Variants in SGCZ observed in about 807,000 individuals in gnomAD.
The protein encoded by SGCZ is sarcoglycan zeta, also known as zeta-sarcoglycan.
In SGCZ, 40 loss-of-function variants were observed where a neutral mutation model predicts 41.3. The ratio of observed to expected loss-of-function variants is 0.97; its 90% confidence interval spans 0.75 to 1.26. The LOEUF is 1.26. SGCZ is among the 50% of genes most tolerant of loss of function. SGCZ has a pLI of 0.00. For missense variants in SGCZ, 552 were observed against 369.8 expected (o/e 1.49, Z -4.04); for synonymous variants, 206 against 137.5 (o/e 1.50, Z -3.49).
At chr8:14,457,592 T>C (rs1800785490) in intron 2 of SGCZ, among the ~76,000 whole-genome samples, 1 of 152,242 alleles carries the variant, frequency 6.6e-6, no homozygotes, top group African/African-American at 2.4e-5. Context: ...TCCGCCTTCA[T>C]GTTCCATCCT....
chr8:14,300,197 T>C (rs1433606387), intron 3 of SGCZ, among the ~76,000 whole-genome samples: 1 of 151,356 alleles, frequency 6.6e-6, no homozygotes, highest in Non-Finnish European at 1.5e-5. Flanking sequence ...TCACTGCACA[T>C]ATATACATAT....
At chr8:14,996,374 T>C (rs1156347959) in intron 1 of SGCZ, among the ~76,000 whole-genome samples, 1 of 152,200 alleles carries the variant, frequency 6.6e-6, no homozygotes, top group Non-Finnish European at 1.5e-5. Context: ...ATGAAAGTTG[T>C]TGTAGCAGCC....
intron 1 of SGCZ, among the ~76,000 whole-genome samples, chr8:14,817,762 C>T (rs887284641): frequency 3.3e-5 from 5 of 152,158 alleles, no homozygotes; most frequent in African/African-American, 1.2e-4. Flanking sequence ...CCCATGTGCG[C>T]TCATTGTTGT....
chr8:14,211,364 C>G (rs1309649870), intron 4 of SGCZ, among the ~76,000 whole-genome samples: 1 of 152,126 alleles, frequency 6.6e-6, no homozygotes, highest in Non-Finnish European at 1.5e-5. Context: ...CAGGCGCTAC[C>G]AGTTTCCCCT....
intron 2 of SGCZ, among the ~76,000 whole-genome samples, chr8:14,444,595 A>G (rs909182422): frequency 3.5e-5 from 5 of 143,808 alleles, no homozygotes; most frequent in African/African-American, 2.6e-5. Context: ...TCTCACTCAC[A>G]GGTGGGAATT....
At chr8:14,301,962 A>G (rs1002219833) in intron 3 of SGCZ, among the ~76,000 whole-genome samples, 17 of 152,130 alleles carry the variant, frequency 1.1e-4, no homozygotes, top group Non-Finnish European at 1.8e-4. Context: ...TTTCATTTAC[A>G]GTTCATTGAT....
Position 14,106,955 on chromosome 8 carries a change from G to A in SGCZ, c.620+1208C>T, listed in dbSNP as rs1802221932. 2.0e-5 allele frequency among the ~76,000 whole-genome samples: 3 copies of A among 152,218 alleles called. No homozygotes were observed. The South Asian group carries it at 6.2e-4, about 32-fold the overall frequency. On this transcript the variant is annotated intron_variant, in intron 6 of 7. Transcript: ENST00000382080. ...GAACAGGCTAGGCGCGGTGGCTCACGCCTGTAATCCCAGCACTTTGGGAGG... is the reference window on the plus strand; with the variant it reads ...GAACAGGCTAGGCGCGGTGGCTCACACCTGTAATCCCAGCACTTTGGGAGG...
intron 3 of SGCZ, among the ~76,000 whole-genome samples, chr8:14,262,580 A>G (rs775413077): frequency 1.3e-5 from 2 of 151,914 alleles, no homozygotes; most frequent in African/African-American, 2.4e-5. Flanking sequence ...TAATTTCCAT[A>G]TTTAATTATA....
chr8:14,560,859 A>C (rs940029078), intron 1 of SGCZ, among the ~76,000 whole-genome samples: 1 of 147,564 alleles, frequency 6.8e-6, no homozygotes, highest in Admixed American at 6.9e-5. Flanking sequence ...AAGTTGTGAA[A>C]AAAACAAAAC....
At chr8:14,309,833 T>G (rs1213170592) in intron 3 of SGCZ, among the ~76,000 whole-genome samples, 1 of 152,154 alleles carries the variant, frequency 6.6e-6, no homozygotes, top group Non-Finnish European at 1.5e-5. Context: ...CGCCTTTGTC[T>G]TGTACTTCTG....
chr8:14,144,041 A>C (rs1311610381), intron 5 of SGCZ, among the ~76,000 whole-genome samples: 2 of 152,070 alleles, frequency 1.3e-5, no homozygotes, highest in Non-Finnish European at 1.5e-5. Context: ...ATAAACTTAA[A>C]AGGCACTCTA....
At chr8:14,616,050 G>A (rs1194046885) in intron 1 of SGCZ, among the ~76,000 whole-genome samples, 1 of 152,096 alleles carries the variant, frequency 6.6e-6, no homozygotes, top group Non-Finnish European at 1.5e-5. Context: ...TTGGGAGGCT[G>A]AGGCGGGCAG....
intron 2 of SGCZ, among the ~76,000 whole-genome samples, chr8:14,342,200 C>A (rs777565752): frequency 5.3e-5 from 8 of 152,194 alleles, no homozygotes; most frequent in Non-Finnish European, 1.0e-4. Flanking sequence ...GGAACTGGAG[C>A]AAAGCTGACT....
chr8:15,048,562 T>G (rs796528033), intron 1 of SGCZ, among the ~76,000 whole-genome samples: 30 of 152,244 alleles, frequency 2.0e-4, no homozygotes, highest in African/African-American at 6.7e-4. Context: ...CATTACACAT[T>G]GTGTACATGT....
intron 2 of SGCZ, among the ~76,000 whole-genome samples, chr8:14,416,369 A>T (rs1238083371): frequency 6.6e-6 from 1 of 151,914 alleles, no homozygotes; most frequent in African/African-American, 2.4e-5. Flanking sequence ...TAGAAATTTT[A>T]TATTTTTAAC....
intron 2 of SGCZ, among the ~76,000 whole-genome samples, chr8:14,400,446 C>A (rs2117243857): frequency 6.6e-6 from 1 of 152,100 alleles, no homozygotes; most frequent in South Asian, 2.1e-4. Flanking sequence ...CATATATAAG[C>A]ATGTATGTAT....
intron 5 of SGCZ, among the ~76,000 whole-genome samples, chr8:14,114,361 A>G (rs13252664): frequency 0.35 from 52,594 of 151,814 alleles, 11,539 homozygotes; most frequent in Non-Finnish European, 0.49. Context: ...AACTGTTATT[A>G]TGAGCATAGC....
intron 1 of SGCZ, among the ~76,000 whole-genome samples, chr8:15,158,797 A>T (rs926895940): frequency 1.3e-5 from 2 of 152,248 alleles, no homozygotes; most frequent in African/African-American, 4.8e-5. Flanking sequence ...GAGGAGACCC[A>T]GAGTGACAAA....
intron 2 of SGCZ, among the ~76,000 whole-genome samples, chr8:14,549,249 G>A (rs966755323): frequency 2.0e-5 from 3 of 152,058 alleles, no homozygotes; most frequent in African/African-American, 7.2e-5. Flanking sequence ...TCAAAGGACT[G>A]TACTTTCACT....
Sources: allele counts gnomAD v4.1 joint callset (sites outside exome capture counted in the v4.1 genomes callset), GRCh38; gene constraint gnomAD v4.1.1; transcripts MANE v1.5; gene names NCBI Gene and HGNC (gene_info 2026-07-23, HGNC 2026-07-21).